Variants in EPHA3 observed in about 807,000 individuals in gnomAD.
The protein encoded by EPHA3 is ephrin type-A receptor 3.
EPHA3 carries 42 observed loss-of-function variants against 107.1 expected under a neutral mutation model. The observed-to-expected ratio is 0.39, with a 90% CI of 0.31 to 0.51. The LOEUF is 0.51. Among genes scored for constraint, EPHA3 ranks in the 20% least tolerant of loss-of-function variants. EPHA3 has a pLI of 0.78. For synonymous variants in EPHA3, 461 were observed against 424.8 expected, an observed-to-expected ratio of 1.09 and a Z score of -1.05; for missense variants, 1,183 against 1,211.2, an observed-to-expected ratio of 0.98 and a Z score of 0.35.
intron 2 of EPHA3, among the ~76,000 whole-genome samples, chr3:89,164,348 C>T (rs549122340): frequency 4.0e-4 from 61 of 151,764 alleles, no homozygotes; most frequent in African/African-American, 1.4e-3. Flanking sequence ...CCATCCTGGG[C>T]CGCATGCGGC....
intron 3 of EPHA3, among the ~76,000 whole-genome samples, chr3:89,280,330 G>T (rs1416977244): frequency 1.3e-5 from 2 of 152,016 alleles, no homozygotes; most frequent in Admixed American, 6.6e-5. Flanking sequence ...TGTGCTTCAG[G>T]TATATATAGA....
intron 16 of EPHA3, among the ~76,000 whole-genome samples, chr3:89,477,939 GCTTTGGAAGAAAA>G (rs1710549484): frequency 1.3e-5 from 2 of 152,046 alleles, no homozygotes; most frequent in Non-Finnish European, 2.9e-5. Context: ...GGTAATAAAT[GCTTTGGAAGAAAA>G]TGAAACAAGA....
At chr3:89,205,559 C>A (rs1170135179) in intron 2 of EPHA3, among the ~76,000 whole-genome samples, 2 of 152,058 alleles carry the variant, frequency 1.3e-5, no homozygotes, top group African/African-American at 4.8e-5. Context: ...ATACAAGGAA[C>A]CCTATGTGGT....
At chr3:89,170,657 G>C (rs921773062) in intron 2 of EPHA3, among the ~76,000 whole-genome samples, 3 of 152,116 alleles carry the variant, frequency 2.0e-5, no homozygotes, top group Admixed American at 6.5e-5. Flanking sequence ...GGGATCCCAA[G>C]CTCAAATATA....
intron 3 of EPHA3, among the ~76,000 whole-genome samples, chr3:89,320,736 C>A (rs1428080319): frequency 6.6e-6 from 1 of 151,996 alleles, no homozygotes; most frequent in Non-Finnish European, 1.5e-5. Flanking sequence ...TAAAACACCA[C>A]AAAAATATTT....
chr3:89,143,280 G>T (rs1441810481), intron 2 of EPHA3, among the ~76,000 whole-genome samples: 2 of 151,418 alleles, frequency 1.3e-5, no homozygotes, highest in South Asian at 2.1e-4. Flanking sequence ...AAATTAAATA[G>T]AAAGCTGTCA....
intron 1 of EPHA3, among the ~76,000 whole-genome samples, chr3:89,115,166 TCTA>T (rs1707222437): frequency 6.6e-6 from 1 of 152,182 alleles, no homozygotes; most frequent in Non-Finnish European, 1.5e-5. Flanking sequence ...CTTGCTGATT[TCTA>T]ACCCTATCCC....
intron 15 of EPHA3, among the ~76,000 whole-genome samples, chr3:89,471,346 A>T (rs375024623): frequency 6.6e-6 from 1 of 152,126 alleles, no homozygotes. Context: ...ATATAAAAAA[A>T]TCCTAGAAGG....
chr3:89,472,746 T>G, intron 16 of EPHA3, 127 bp downstream of exon 16: 1 of 1,104,896 alleles, frequency 9.1e-7, no homozygotes, highest in Non-Finnish European at 1.3e-6. Context: ...AGGTACTGAC[T>G]ACCGCCTGGA....
chr3:89,154,585 T>C (rs1704758235), intron 2 of EPHA3, among the ~76,000 whole-genome samples: 1 of 151,744 alleles, frequency 6.6e-6, no homozygotes, highest in South Asian at 2.1e-4. Flanking sequence ...TTAAATTGTT[T>C]GATTGAACTA....
chr3:89,433,643 C>A (rs1709612440), intron 13 of EPHA3, among the ~76,000 whole-genome samples: 1 of 152,070 alleles, frequency 6.6e-6, no homozygotes, highest in Non-Finnish European at 1.5e-5. Flanking sequence ...TCCTTAGACA[C>A]TTAAAATGTG....
chr3:89,454,959 A>C (rs1710067300), intron 15 of EPHA3, among the ~76,000 whole-genome samples: 1 of 152,166 alleles, frequency 6.6e-6, no homozygotes, highest in Non-Finnish European at 1.5e-5. Flanking sequence ...ACAACACTGC[A>C]CTCAGCCTGG....
chr3:89,238,595 A>C (rs1248351061), intron 3 of EPHA3, among the ~76,000 whole-genome samples: 1 of 152,252 alleles, frequency 6.6e-6, no homozygotes, highest in Non-Finnish European at 1.5e-5. Flanking sequence ...ATTTCATTTT[A>C]CTGTTTTTAA....
chr3:89,371,378 T>C (rs1708297664), intron 5 of EPHA3, among the ~76,000 whole-genome samples: 1 of 151,696 alleles, frequency 6.6e-6, no homozygotes, highest in Non-Finnish European at 1.5e-5. Context: ...TTAACTATCG[T>C]CGACATTTTG....
chr3:89,451,440 GA>G (rs972232615), intron 15 of EPHA3, among the ~76,000 whole-genome samples: 3 of 151,852 alleles, frequency 2.0e-5, no homozygotes, highest in African/African-American at 7.3e-5. Flanking sequence ...GTAAGCATAA[GA>G]AAAAAAGGTT....
chr3:89,220,151 T>C (rs1704336000), intron 3 of EPHA3, among the ~76,000 whole-genome samples: 1 of 152,098 alleles, frequency 6.6e-6, no homozygotes, highest in Admixed American at 6.5e-5. Flanking sequence ...CATATAAATA[T>C]GTAGTGGAAG....
At chr3:89,168,179 G>A (rs7433757) in intron 2 of EPHA3, among the ~76,000 whole-genome samples, 34,322 of 152,072 alleles carry the variant, frequency 0.23, 4,017 homozygotes, top group Middle Eastern at 0.32. Flanking sequence ...ATTCATAACT[G>A]CTATTTTTGG....
At chr3:89,216,809 A>G (rs1207243934) in intron 3 of EPHA3, among the ~76,000 whole-genome samples, 1 of 152,130 alleles carries the variant, frequency 6.6e-6, no homozygotes, top group African/African-American at 2.4e-5. Flanking sequence ...TTTTCAGAAT[A>G]CATGTAATGA....
At chr3:89,381,578 A>G (rs1708509812) in intron 5 of EPHA3, among the ~76,000 whole-genome samples, 1 of 151,984 alleles carries the variant, frequency 6.6e-6, no homozygotes, top group Non-Finnish European at 1.5e-5. Context: ...CTGAAGCACG[A>G]GAATCACTTG....
Sources: allele counts gnomAD v4.1 joint callset (sites outside exome capture counted in the v4.1 genomes callset), GRCh38; gene constraint gnomAD v4.1.1; transcripts MANE v1.5; gene names NCBI Gene and HGNC (gene_info 2026-07-23, HGNC 2026-07-21).